MGAM2: variants seen among roughly 807,000 people sequenced by gnomAD.
MGAM2 encodes the protein probable maltase-glucoamylase 2.
In MGAM2, 98 loss-of-function variants were observed where a neutral mutation model predicts 96.1. The observed-to-expected ratio is 1.02, with a 90% CI of 0.87 to 1.21. MGAM2 has a LOEUF of 1.21. Ranked by LOEUF, MGAM2 falls within the 50% of genes most tolerant of loss-of-function variation. The probability of loss-of-function intolerance (pLI) is 0.00; values close to 1 mark genes in which losing one functional copy is unlikely to be tolerated. For missense variants in MGAM2, 2,055 were observed against 1,182.4 expected (o/e 1.74, Z -10.82); for synonymous variants, 749 against 414.8 (o/e 1.81, Z -9.79).
At position 142,218,383 on chromosome 7, in the gene MGAM2, T is replaced by C. The variant is rs1206804392; in HGVS notation, c.5210T>C (p.Ile1737Thr). 2.9e-6 allele frequency: 2 copies of C among 698,532 alleles called. No homozygotes were observed. The highest frequency in any genetic ancestry group is 1.5e-5 in the South Asian group (1 of 65,930). 43.3% of individuals were successfully genotyped at this position (698,532 alleles called of 1,614,324 possible). A position where few individuals can be genotyped will look rare whatever the true frequency, so the allele number is the denominator to read the frequency against. Residue 1737 changes from isoleucine to threonine, a missense_variant, in exon 47 of 48, where the codon ATA becomes ACA. Physicochemically the swap from Ile to Thr is moderately conservative, Grantham distance 89. Transcript: ENST00000477922. ...TAGAACATCCTGCAAATCCAGACCA[T>C]ACACAATAAGTATTTGAGTGACTCG... is the stretch of plus-strand genomic sequence containing the variant. Reference protein sequence around the residue: ...AAQNILQIQTIHNKYLSDSNP... With the variant: ...AAQNILQIQTTHNKYLSDSNP...
At chr7:142,132,944 C>T (rs1226985184) in intron 6 of MGAM2, among the ~76,000 whole-genome samples, 2 of 128,978 alleles carry the variant, frequency 1.6e-5, no homozygotes, top group African/African-American at 6.1e-5. Context: ...AATATATTTA[C>T]ATATTATATA....
chr7:142,197,993 C>T (rs1797104899), intron 42 of MGAM2, 146 bp from the exon 43 acceptor site: 1 of 583,554 alleles, frequency 1.7e-6, no homozygotes, highest in South Asian at 2.3e-5. Flanking sequence ...AATAATTTTT[C>T]AGGATTTTTC....
chr7:142,123,181 T>C (rs1794636819), intron 3 of MGAM2, among the ~76,000 whole-genome samples: 1 of 152,054 alleles, frequency 6.6e-6, no homozygotes. Context: ...CTTTTTTTTT[T>C]TTCTGTATCC....
chr7:142,208,525 A>G (rs1386603284), intron 45 of MGAM2, 48 bp from the exon 46 acceptor site: 2 of 698,656 alleles, frequency 2.9e-6, no homozygotes, highest in Non-Finnish European at 2.6e-6. Flanking sequence ...ATTTGCTGCA[A>G]TTGAAGCAGT....
At chr7:142,146,348 G>C (rs1347956777) in intron 14 of MGAM2, among the ~76,000 whole-genome samples, 1 of 152,018 alleles carries the variant, frequency 6.6e-6, no homozygotes, top group Non-Finnish European at 1.5e-5. Flanking sequence ...ATGAGAAAGA[G>C]CACTGAAGTG....
In MGAM2 at chr7:142,141,047, C is replaced by T; in HGVS notation, c.1245C>T (p.Asn415=). The T allele has an allele frequency of 2.9e-6, 2 of 701,534 alleles. No individual in the cohort carries two copies. Among genetic ancestry groups the T allele is most frequent in the Non-Finnish European group, 5.2e-6 (2 of 384,458 alleles). The allele number at this position is 701,534 out of a possible 1,614,324, so 43.5% of individuals were successfully genotyped here. The change falls in exon 12 of 48, where the codon AAC becomes AAT. Residue 415 remains asparagine, a synonymous_variant. Transcript: ENST00000477922. ...IMNPGISKNS[N]YEPYNNGSLK... ...ATCCTGGCATCTCCAAAAACTCTAA[C>T]TACGAGCCCTATAATAATGGAAGCC...
intron 28 of MGAM2, among the ~76,000 whole-genome samples, 156 bp downstream of exon 28, chr7:142,171,596 C>G (rs1305557100): frequency 1.1e-5 from 1 of 94,312 alleles, no homozygotes; most frequent in Non-Finnish European, 2.1e-5. Flanking sequence ...TTCTTTTGTC[C>G]CTAAAAGGCA....
chr7:142,221,338 C>G lies in MGAM2; in HGVS notation c.6827C>G (p.Thr2276Ser), dbSNP rs1797921419. Residue 2276 changes from threonine (T) to serine (S), a missense_variant, in exon 48 of 48, where the codon ACT (threonine) becomes AGT (serine). Transcript: ENST00000477922. The part of the protein sequence containing the change: ...VPFVTTPSPS[T>S]DATTTSNNTN... ...TTTGTGACTACTCCTTCTCCAAGTA[C>G]TGATGCTACTACTACAAGTAATAAT... is the stretch of plus-strand genomic sequence containing the variant. The G allele has an allele frequency of 1.6e-6, 1 of 633,666 alleles. No homozygotes were observed. The highest frequency in any genetic ancestry group is 2.5e-5 in the Admixed American group (1 of 40,650). The allele number at this position is 633,666 out of a possible 1,614,324, so 39.3% of individuals were successfully genotyped here.
At chr7:142,145,906 C>A (rs1024426562) in intron 14 of MGAM2, among the ~76,000 whole-genome samples, 2 of 152,168 alleles carry the variant, frequency 1.3e-5, no homozygotes, top group African/African-American at 4.8e-5. Context: ...AGAACACTGA[C>A]ATGTTGGGCA....
Position 142,131,197 on chromosome 7 carries a change from C to T in MGAM2, c.310+126C>T, listed in dbSNP as rs572104863. ...GCTCACGTCTGTAATCCCAGCACTT[C>T]GAGAGGCTGACGTGGGTGGATCATG... On this transcript the variant is annotated intron_variant, in intron 4 of 47. Coordinates refer to ENST00000477922, the MANE Select transcript of MGAM2 (RefSeq NM_001293626.2). The T allele has an allele frequency of 4.1e-4, 254 of 624,662 alleles. 3 individuals carry two copies. Among genetic ancestry groups the T allele is most frequent in the South Asian group, 3.8e-3 (211 of 55,190 alleles). 38.7% of individuals were successfully genotyped at this position (624,662 alleles called of 1,614,324 possible).
intron 14 of MGAM2, among the ~76,000 whole-genome samples, chr7:142,146,981 G>C (rs1431965373): frequency 6.6e-6 from 1 of 152,024 alleles, no homozygotes. Flanking sequence ...ACCTGCCTCG[G>C]CCTCCCAAAG....
At chr7:142,197,754 A>G (rs772916703) in intron 42 of MGAM2, 26 bp downstream of exon 42, 1 of 702,936 alleles carries the variant, frequency 1.4e-6, no homozygotes, top group Non-Finnish European at 2.6e-6. Flanking sequence ...TAGGTCAGAA[A>G]ACCTTCAATC....
At chr7:142,195,525 T>TA (rs2129099502) in intron 37 of MGAM2, among the ~76,000 whole-genome samples, 1 of 149,368 alleles carries the variant, frequency 6.7e-6, no homozygotes, top group African/African-American at 2.5e-5. Flanking sequence ...CCGGCTAATT[T>TA]TTTTTTTTTT....
rs1204785366 is a variant in MGAM2 at position 142,148,588 on chromosome 7, T to C, written c.1634+1015T>C. ...ATTGAGAAATAACTCCTCTTCTCAC[T>C]GTGTAGTTTCTTCTGTGGAAGATGG... On this transcript the variant is annotated intron_variant, in intron 15 of 47. Coordinates refer to ENST00000477922, the MANE Select transcript of MGAM2 (RefSeq NM_001293626.2). This position sits in a 1 kb window ranked among gnomAD's most constrained non-coding sequence, Gnocchi z 4.2. Among the ~76,000 whole-genome samples, 1 of 152,266 alleles carries C rather than the reference T, an allele frequency of 6.6e-6. No individual in the cohort carries two copies. The highest frequency in any genetic ancestry group is 1.5e-5 in the Non-Finnish European group (1 of 68,044).
intron 19 of MGAM2, among the ~76,000 whole-genome samples, chr7:142,159,011 C>T (rs148954250): frequency 6.6e-6 from 1 of 152,312 alleles, no homozygotes; most frequent in East Asian, 1.9e-4. Flanking sequence ...TCACTGTCCT[C>T]CCAACTGTCA....
At chr7:142,174,016 C>G (rs548760455) in intron 31 of MGAM2, among the ~76,000 whole-genome samples, 1 of 152,090 alleles carries the variant, frequency 6.6e-6, no homozygotes, top group Non-Finnish European at 1.5e-5. Flanking sequence ...TCTGGGTTCT[C>G]TATTATTTGC....
intron 3 of MGAM2, among the ~76,000 whole-genome samples, chr7:142,121,389 G>A (rs764571728): frequency 2.4e-4 from 36 of 152,180 alleles, no homozygotes; most frequent in Middle Eastern, 3.4e-3. Context: ...TGTTGGCCAG[G>A]AGGCCTCAAA....
chr7:142,116,878 C>A lies in MGAM2; in HGVS notation c.5C>A (p.Ala2Glu). 1.4e-6 allele frequency: 1 copy of A among 703,338 alleles called. No individual in the cohort carries two copies. Among genetic ancestry groups the A allele is most frequent in the South Asian group, 1.5e-5 (1 of 67,578 alleles). 43.6% of individuals were successfully genotyped at this position (703,338 alleles called of 1,614,324 possible). The change falls in exon 2 of 48, where the codon GCG (alanine) becomes GAG (glutamate). Residue 2 changes from alanine to glutamate, a missense_variant. Ala to Glu is a moderately radical substitution (Grantham distance 107). Coordinates refer to ENST00000477922, the MANE Select transcript of MGAM2 (RefSeq NM_001293626.2). M[A>E]RKLSVLEVLL... is the part of the protein sequence containing the mutation. Reference sequence around the variant, plus strand: ...CAATTATCTGTGTCTATCTAGATGGCGAGGAAGCTCAGTGTATTGGAAGTC... The same window carrying A: ...CAATTATCTGTGTCTATCTAGATGGAGAGGAAGCTCAGTGTATTGGAAGTC...
chr7:142,208,728 C>T lies in MGAM2; in HGVS notation c.5187+106C>T, dbSNP rs1284953612. 4.9e-6 allele frequency: 3 copies of T among 616,940 alleles called. No homozygotes were observed. The East Asian group carries it at 8.4e-5, about 17-fold the overall frequency. 38.2% of individuals were successfully genotyped at this position (616,940 alleles called of 1,614,324 possible). On this transcript the variant is annotated intron_variant, in intron 46 of 47. Transcript: ENST00000477922. ...ATATCCCACATCTTAATAGGAGGTT[C>T]TTCTTGCCTTTACTTTTATAATCCA...
Sources: gnomAD v4.1 joint callset for allele counts (sites outside exome capture counted in the v4.1 genomes callset) on GRCh38, gnomAD v4.1.1 for gene constraint, Gnocchi (gnomAD v3.1) non-coding constraint, MANE v1.5 for transcripts, NCBI Gene and HGNC (gene_info 2026-07-23, HGNC 2026-07-21) for gene names.